TRPC5: variants seen among roughly 807,000 people sequenced by gnomAD.
TRPC5 encodes short transient receptor potential channel 5.
TRPC5 carries 9 observed loss-of-function variants against 56.5 expected under a neutral mutation model. The observed-to-expected ratio is 0.16, with a 90% confidence interval of 0.10 to 0.28. TRPC5 has a LOEUF of 0.28. TRPC5 is among the 10% of genes least tolerant of loss of function. The probability of loss-of-function intolerance (pLI) is 1.00; values close to 1 mark genes in which losing one functional copy is unlikely to be tolerated. For synonymous variants in TRPC5, 282 were observed against 278.5 expected, an observed-to-expected ratio of 1.01 and a Z score of -0.13; for missense variants, 469 against 748.9, an observed-to-expected ratio of 0.63 and a Z score of 4.36.
At chrX:111,777,317 AGGACAC>A (rs1945886687) in intron 10 of TRPC5, among the ~76,000 whole-genome samples, 2 of 111,391 alleles carry the variant, frequency 1.8e-5, no homozygotes, top group Non-Finnish European at 3.8e-5. Flanking sequence ...TTATTAGATT[AGGACAC>A]TGGCTCTCAG....
intron 7 of TRPC5, among the ~76,000 whole-genome samples, chrX:111,808,797 TCA>T (rs1921605887): frequency 9.1e-6 from 1 of 109,833 alleles, no homozygotes; most frequent in Non-Finnish European, 1.9e-5. Flanking sequence ...CACCCAAGGC[TCA>T]CAGTGAGTAC....
intron 2 of TRPC5, among the ~76,000 whole-genome samples, chrX:111,926,570 G>A (rs893425351): frequency 1.8e-5 from 2 of 111,299 alleles, no homozygotes; most frequent in South Asian, 3.8e-4. Context: ...ACAAGAGGCC[G>A]GCTGAATCAA....
chrX:112,004,545 C>G (rs1313821791), intron 1 of TRPC5, among the ~76,000 whole-genome samples: 1 of 111,784 alleles, frequency 8.9e-6, no homozygotes, highest in African/African-American at 3.3e-5. Context: ...GATCTTTTGC[C>G]CAGCAGCATC....
intron 7 of TRPC5, among the ~76,000 whole-genome samples, chrX:111,819,171 C>T (rs1187054847): frequency 1.8e-5 from 2 of 111,846 alleles, no homozygotes; most frequent in African/African-American, 6.5e-5. Flanking sequence ...GAAACAGAGC[C>T]TGATCAGGGC....
chrX:111,792,616 A>G (rs1375591781), intron 7 of TRPC5, among the ~76,000 whole-genome samples: 1 of 112,001 alleles, frequency 8.9e-6, no homozygotes, highest in Non-Finnish European at 1.9e-5. Flanking sequence ...TATCATTCCC[A>G]GTGACCCACT....
intron 3 of TRPC5, among the ~76,000 whole-genome samples, chrX:111,911,933 G>A (rs1603094909): frequency 9.0e-6 from 1 of 111,501 alleles, no homozygotes; most frequent in East Asian, 2.8e-4. Context: ...TATCTTAGTA[G>A]GTAATTATGT....
chrX:112,027,717 C>T (rs943708523), intron 1 of TRPC5, among the ~76,000 whole-genome samples: 6 of 110,770 alleles, frequency 5.4e-5, no homozygotes, highest in Non-Finnish European at 1.1e-4. Flanking sequence ...ATGATGGTCT[C>T]GATCTCCTGA....
chrX:112,034,714 G>T (rs767885450), intron 1 of TRPC5, among the ~76,000 whole-genome samples: 3 of 110,132 alleles, frequency 2.7e-5, no homozygotes, highest in African/African-American at 9.9e-5. Flanking sequence ...TGTGTTTCCA[G>T]TAATTTTTCC....
chrX:112,012,493 T>C (rs745327161), intron 1 of TRPC5, among the ~76,000 whole-genome samples: 1 of 111,209 alleles, frequency 9.0e-6, no homozygotes, highest in Non-Finnish European at 1.9e-5. Flanking sequence ...TCATCTCTAA[T>C]TGATGGAGCA....
chrX:111,861,424 AATTTT>A (rs1412901480), intron 3 of TRPC5, among the ~76,000 whole-genome samples: 2 of 111,991 alleles, frequency 1.8e-5, no homozygotes, highest in Non-Finnish European at 3.8e-5. Context: ...TATTTTATTT[AATTTT>A]AAGACAATTT....
rs147338498 is a variant in TRPC5 at position 111,809,863 on chromosome X, A to G, written c.1896+25058T>C. Reference sequence around the variant, plus strand: ...ATTATTATTATTAACTATGGTCACCATGCCGTAGTCTTCATTTTGTTTTTT... The same window carrying G: ...ATTATTATTATTAACTATGGTCACCGTGCCGTAGTCTTCATTTTGTTTTTT... On this transcript the variant is annotated intron_variant, in intron 7 of 10. Transcript: ENST00000262839. Among the ~76,000 whole-genome samples the G allele has an allele frequency of 2.7e-4, 29 of 108,655 alleles. No individual in the cohort carries two copies. The East Asian group carries it at 7.8e-3, about 29-fold the overall frequency. 94.4% of individuals were successfully genotyped at this position (108,655 alleles called of 115,157 possible). A position where few individuals can be genotyped will look rare whatever the true frequency, so the allele number is the denominator to read the frequency against.
At chrX:111,937,638 CA>C (rs1926631394) in intron 2 of TRPC5, among the ~76,000 whole-genome samples, 1 of 105,853 alleles carries the variant, frequency 9.4e-6, no homozygotes, top group East Asian at 2.9e-4. Context: ...TCAGGTTTGT[CA>C]AAGATCAGAT....
At chrX:111,935,372 T>C (rs5943225) in intron 2 of TRPC5, among the ~76,000 whole-genome samples, 11,143 of 111,607 alleles carry the variant, frequency 0.1, 542 homozygotes, top group African/African-American at 0.19. Flanking sequence ...GTTATTAATC[T>C]GTTGTCAGAT....
chrX:111,786,224 AAACC>A (rs1945962982), intron 7 of TRPC5, among the ~76,000 whole-genome samples: 1 of 111,791 alleles, frequency 8.9e-6, no homozygotes, highest in Admixed American at 9.6e-5. Context: ...CTCTCGGCAG[AAACC>A]CTACGAGCCA....
In TRPC5 at chrX:112,020,352, T is replaced by C. The variant is rs753030488; in HGVS notation, c.-22+61527A>G. On this transcript the variant is annotated intron_variant, in intron 1 of 10. Transcript: ENST00000262839. ...GATGGAATTATTTGAGAACAGTCTTTTAAGGACAGGGACTCAGAGGTTCTG... is the reference window on the plus strand; with the variant it reads ...GATGGAATTATTTGAGAACAGTCTTCTAAGGACAGGGACTCAGAGGTTCTG... 7.1e-5 allele frequency among the ~76,000 whole-genome samples: 8 copies of C among 112,384 alleles called. No individual in the cohort carries two copies. In the East Asian group the frequency reaches 2.2e-3, roughly 31 times the overall value.
chrX:111,989,387 C>G (rs191407588), intron 1 of TRPC5, among the ~76,000 whole-genome samples: 12 of 111,582 alleles, frequency 1.1e-4, no homozygotes, highest in African/African-American at 3.3e-4. Flanking sequence ...TATTTTCTTT[C>G]TCAGGAGTGA....
At chrX:111,923,172 T>C (rs575765043) in intron 2 of TRPC5, among the ~76,000 whole-genome samples, 2 of 111,854 alleles carry the variant, frequency 1.8e-5, no homozygotes, top group South Asian at 7.5e-4. Flanking sequence ...AGGCCAACAA[T>C]TTGATTTATT....
At chrX:111,977,092 G>A (rs1927949930) in intron 1 of TRPC5, among the ~76,000 whole-genome samples, 1 of 110,680 alleles carries the variant, frequency 9.0e-6, no homozygotes, top group Admixed American at 9.7e-5. Flanking sequence ...CAGATTCAAT[G>A]CAATTCCTAT....
intron 1 of TRPC5, among the ~76,000 whole-genome samples, chrX:112,005,211 C>G (rs1055900406): frequency 9.1e-6 from 1 of 110,462 alleles, no homozygotes; most frequent in Admixed American, 9.7e-5. Flanking sequence ...GACACAGGAG[C>G]AGAAAACCAA....
Sources: gnomAD v4.1 joint callset for allele counts (sites outside exome capture counted in the v4.1 genomes callset) on GRCh38, gnomAD v4.1.1 for gene constraint, MANE v1.5 for transcripts, NCBI Gene and HGNC (gene_info 2026-07-23, HGNC 2026-07-21) for gene names.